Variants in AMPD3 observed in about 807,000 individuals in gnomAD.
AMPD3 encodes adenosine monophosphate deaminase 3.
Under a neutral mutation model 82.3 loss-of-function variants are expected in AMPD3, and 57 were observed. The observed-to-expected ratio is 0.69, with a 90% CI of 0.56 to 0.86. The LOEUF (loss-of-function observed/expected upper bound fraction) is 0.86. Among genes scored for constraint, AMPD3 ranks in the 40% least tolerant of loss-of-function variants. The pLI is 0.00. For missense variants in AMPD3, 870 were observed against 1,003.8 expected (o/e 0.87, Z 1.80); for synonymous variants, 381 against 394.7 (o/e 0.97, Z 0.41).
intron 2 of AMPD3, among the ~76,000 whole-genome samples, chr11:10,468,041 C>A (rs1339448344): frequency 6.6e-6 from 1 of 152,190 alleles, no homozygotes; most frequent in African/African-American, 2.4e-5. Context: ...AGGGAGCAAC[C>A]GGTACCAGCC....
At chr11:10,501,194 G>C in intron 11 of AMPD3, 1 of 985,426 alleles carries the variant, frequency 1.0e-6, no homozygotes, top group South Asian at 4.7e-5. Flanking sequence ...ACAAGGCCAG[G>C]AGAGGAATTC....
chr11:10,470,590 T>G (rs904211973), intron 2 of AMPD3, among the ~76,000 whole-genome samples: 1 of 152,208 alleles, frequency 6.6e-6, no homozygotes, highest in Middle Eastern at 3.2e-3. Flanking sequence ...CCAAATCTCC[T>G]TAAGCTGATA....
chr11:10,500,694 T>TAGGCATTGC, intron 11 of AMPD3: 2 of 985,366 alleles, frequency 2.0e-6, no homozygotes, highest in Non-Finnish European at 2.4e-6. Context: ...AATCACTGCA[T>TAGGCATTGC]CTGGCATGCG....
Position 10,496,895 on chromosome 11 carries a change from T to C in AMPD3, c.1514T>C (p.Ile505Thr), listed in dbSNP as rs779133734. Residue 505 changes from isoleucine (I) to threonine (T), a missense_variant, in exon 10 of 15, where the codon ATC (isoleucine) becomes ACC (threonine). Ile to Thr is a moderately conservative substitution (Grantham distance 89, BLOSUM62 -1). Transcript: ENST00000396553. ...TTCCTGCCCCTTTTCAAGGCCACTA[T>C]CAACCCCCAAGATCATCGAGAGCTT... Reference protein sequence around the residue: ...NIFLPLFKATINPQDHRELHL... With the variant: ...NIFLPLFKATTNPQDHRELHL... 3.1e-6 allele frequency: 5 copies of C among 1,613,972 alleles called. No homozygotes were observed. The African/African-American group carries it at 4.0e-5, about 13-fold the overall frequency.
At chr11:10,497,530 G>C (rs11042855) in intron 10 of AMPD3, 2 of 972,578 alleles carry the variant, frequency 2.1e-6, no homozygotes, top group African/African-American at 3.5e-5. Context: ...GGTGATACAG[G>C]CCAGTGCCTG....
At chr11:10,495,826 G>A in intron 9 of AMPD3, 93 bp downstream of exon 9, 1 of 1,510,138 alleles carries the variant, frequency 6.6e-7, no homozygotes, top group Non-Finnish European at 9.1e-7. Context: ...GAGGGGTAGG[G>A]CCTGTTCTGG....
At chr11:10,501,753 A>G in intron 12 of AMPD3, 163 bp downstream of exon 12, 2 of 985,166 alleles carry the variant, frequency 2.0e-6, no homozygotes, top group Non-Finnish European at 2.4e-6. Context: ...AATCAAACTC[A>G]TCACAATTTT....
Position 10,500,091 on chromosome 11 carries a change from G to C in AMPD3, c.1563G>C (p.Thr521=). 6.2e-7 allele frequency: 1 copy of C among 1,614,148 alleles called. No homozygotes were observed. Among genetic ancestry groups the C allele is most frequent in the Non-Finnish European group, 8.5e-7 (1 of 1,180,028 alleles). Residue 521 remains threonine, a synonymous_variant, in exon 11 of 15, where the codon ACG becomes ACC. Transcript: ENST00000396553. Reference sequence around the variant, plus strand: ...TCAGGACCTCTCCTGCCCAGGTGACGGGGTTTGACAGCGTGGATGATGAGT... The same window carrying C: ...TCAGGACCTCTCCTGCCCAGGTGACCGGGTTTGACAGCGTGGATGATGAGT... ...RELHLFLKYV[T]GFDSVDDESK...
intron 6 of AMPD3, among the ~76,000 whole-genome samples, chr11:10,491,054 G>A (rs1849226151): frequency 6.6e-6 from 1 of 152,180 alleles, no homozygotes; most frequent in African/African-American, 2.4e-5. Flanking sequence ...ATCTGGTTTG[G>A]CATTACTTGG....
Position 10,502,703 on chromosome 11 carries a change from T to A in AMPD3, c.1843-18T>A. ...CCTCTCTGGCACTTGTCACATGAGTTCGGTGGTTCTTTTGCAGAGTCCGGT... is the reference window on the plus strand; with the variant it reads ...CCTCTCTGGCACTTGTCACATGAGTACGGTGGTTCTTTTGCAGAGTCCGGT... On this transcript the variant is annotated intron_variant, in intron 12 of 14. Transcript: ENST00000396553. The A allele has an allele frequency of 6.2e-7, 1 of 1,613,902 alleles. No individual in the cohort carries two copies. The highest frequency in any genetic ancestry group is 1.3e-5 in the African/African-American group (1 of 75,056).
In AMPD3 at chr11:10,478,780, G is replaced by A. The variant is rs781287878; in HGVS notation, c.426+50G>A. On this transcript the variant is annotated intron_variant, in intron 3 of 14. Coordinates refer to ENST00000396553, the MANE Select transcript of AMPD3 (RefSeq NM_001025389.2). Reference sequence around the variant, plus strand: ...ATGTGCCTTGCATGCAAAGGCCAGGGGCCCCATGGGCCACAGGGTCGTGCC... The same window carrying A: ...ATGTGCCTTGCATGCAAAGGCCAGGAGCCCCATGGGCCACAGGGTCGTGCC... 3.8e-6 allele frequency: 6 copies of A among 1,583,840 alleles called. No individual in the cohort carries two copies. In the Admixed American group the frequency reaches 1.0e-4, roughly 27 times the overall value.
At chr11:10,457,136 C>T (rs1256711543) in intron 1 of AMPD3, among the ~76,000 whole-genome samples, 3 of 151,834 alleles carry the variant, frequency 2.0e-5, no homozygotes, top group East Asian at 3.9e-4. Flanking sequence ...TGCCACCACA[C>T]CTGGCTGTTT....
rs1056276424 is a variant in AMPD3, at chr11:10,493,516, C to G, written c.1107C>G (p.Leu369=). The G allele has an allele frequency of 1.2e-6, 2 of 1,614,184 alleles. No individual in the cohort carries two copies. The highest frequency in any genetic ancestry group is 1.7e-6 in the Non-Finnish European group (2 of 1,180,020). ...GCCTGCACATGGACCCCTACGACCT[C>G]ACTGTGGACTCACTGGATGTCCACG... is the stretch of plus-strand genomic sequence containing the variant. The part of the protein sequence containing the change: ...FDGLHMDPYD[L]TVDSLDVHAG... The change falls in exon 7 of 15, where the codon CTC becomes CTG. Residue 369 remains leucine (L), a synonymous_variant. Transcript: ENST00000396553.
rs777969100 is a variant in AMPD3, at chr11:10,484,968, A to G, written c.738A>G (p.Leu246=). The G allele has an allele frequency of 6.3e-7, 1 of 1,584,078 alleles. No individual in the cohort carries two copies. The highest frequency in any genetic ancestry group is 8.6e-7 in the Non-Finnish European group (1 of 1,165,948). ...KMLEHQEPHS[L]PYPDLETYTV... is the part of the protein sequence containing the mutation. ...TGGAGCACCAGGAGCCGCACAGCCT[A>G]CCCTACCCCGACCTGGAGACCTACA... Residue 246 remains leucine, a synonymous_variant, in exon 5 of 15, where the codon CTA becomes CTG. Transcript: ENST00000396553.
In AMPD3 at chr11:10,456,530, G is replaced by A; in HGVS notation, c.-6+1082G>A. On this transcript the variant is annotated intron_variant, in intron 1 of 14. Coordinates refer to ENST00000396553, the MANE Select transcript of AMPD3 (RefSeq NM_001025389.2). The surrounding 1 kb of genome is among the most constrained non-coding windows in gnomAD (Gnocchi z 4.3). ...GACTGTGGCACCATGAAAAGTTACT[G>A]TTTGTTGAAACTGGCAGTGTTTTAG... 1 of 1,604,742 alleles carries A rather than the reference G, an allele frequency of 6.2e-7. No homozygotes were observed. The highest frequency in any genetic ancestry group is 1.1e-5 in the South Asian group (1 of 90,078).
chr11:10,475,147 T>C (rs1346268103), intron 2 of AMPD3, among the ~76,000 whole-genome samples: 2 of 152,120 alleles, frequency 1.3e-5, no homozygotes, highest in Non-Finnish European at 2.9e-5. Context: ...CTTTGACTCA[T>C]GGTGAAGGCA....
intron 7 of AMPD3, among the ~76,000 whole-genome samples, chr11:10,494,265 G>T (rs1034462288): frequency 2.6e-5 from 4 of 152,326 alleles, no homozygotes; most frequent in Admixed American, 2.0e-4. Context: ...CTGATATAAG[G>T]TCCCTAGAAT....
chr11:10,481,979 G>A (rs891906267), intron 3 of AMPD3, 84 bp from the exon 4 acceptor site: 34 of 1,569,478 alleles, frequency 2.2e-5, no homozygotes, highest in African/African-American at 4.1e-5. Context: ...CCAGGCAAGG[G>A]CCAATCTTGC....
intron 14 of AMPD3, chr11:10,505,244 G>A (rs543849307): frequency 1.0e-6 from 1 of 985,110 alleles, no homozygotes; most frequent in Non-Finnish European, 1.2e-6. Flanking sequence ...GTCACTGGTT[G>A]GGAAGAGGTT....
Sources: gnomAD v4.1 joint callset for allele counts (sites outside exome capture counted in the v4.1 genomes callset) on GRCh38, gnomAD v4.1.1 for gene constraint, Gnocchi (gnomAD v3.1) non-coding constraint, MANE v1.5 for transcripts, NCBI Gene and HGNC (gene_info 2026-07-23, HGNC 2026-07-21) for gene names.